Variants in FER observed in about 807,000 individuals in gnomAD.
FER encodes the protein FER tyrosine kinase.
A neutral mutation model predicts 111.0 loss-of-function variants in FER; 63 were observed. That is an observed-to-expected ratio of 0.57 (90% CI 0.46 to 0.70). FER has a LOEUF of 0.70. FER is among the 30% of genes least tolerant of loss of function. FER has a pLI of 0.00. For missense variants in FER, 914 were observed against 954.0 expected (o/e 0.96, Z 0.55); for synonymous variants, 327 against 313.9 (o/e 1.04, Z -0.44).
At chr5:109,025,024 T>C (rs1005508743) in intron 13 of FER, among the ~76,000 whole-genome samples, 5 of 151,914 alleles carry the variant, frequency 3.3e-5, no homozygotes, top group East Asian at 1.9e-4. Flanking sequence ...TTACTGTAGC[T>C]TTGTAGTATA....
intron 3 of FER, among the ~76,000 whole-genome samples, chr5:108,803,129 C>G (rs1466240944): frequency 1.3e-5 from 2 of 151,972 alleles, no homozygotes; most frequent in African/African-American, 4.8e-5. Context: ...GTTTGTTGGC[C>G]ACTTGTATGT....
At chr5:108,873,752 C>T (rs563060117) in intron 8 of FER, among the ~76,000 whole-genome samples, 2 of 152,230 alleles carry the variant, frequency 1.3e-5, no homozygotes, top group East Asian at 3.9e-4. Context: ...ATTTTATACT[C>T]CAGGGGACAT....
intron 8 of FER, among the ~76,000 whole-genome samples, chr5:108,879,725 T>TATATATATA (rs1298716348): frequency 7.1e-5 from 10 of 141,436 alleles, no homozygotes; most frequent in African/African-American, 1.1e-4. Context: ...TATATATATA[T>TATATATATA]TTGAGGCAAA....
At chr5:108,797,293 G>A (rs775982519) in intron 2 of FER, among the ~76,000 whole-genome samples, 1 of 152,086 alleles carries the variant, frequency 6.6e-6, no homozygotes, top group East Asian at 1.9e-4. Context: ...CAAGCAGAAG[G>A]ATGGAGTCAC....
intron 13 of FER, among the ~76,000 whole-genome samples, chr5:108,980,119 G>A (rs1400885273): frequency 1.3e-5 from 2 of 152,038 alleles, no homozygotes; most frequent in Admixed American, 6.6e-5. Context: ...ACAAATCCTT[G>A]AAACAAAACA....
rs143119269 is a variant in FER at position 109,115,653 on chromosome 5, T to TTTTGTTTGTTTG, written c.2048+15155_2048+15166dup. 1.6e-4 allele frequency among the ~76,000 whole-genome samples: 24 copies of TTTTGTTTGTTTG among 151,326 alleles called. No homozygotes were observed. The East Asian group carries it at 2.1e-3, about 13-fold the overall frequency. On this transcript the variant is annotated intron_variant, in intron 17 of 19. Coordinates refer to ENST00000281092, the MANE Select transcript of FER (RefSeq NM_005246.4). ...AGTTTCCAGACAGATTTTGTGCAGT[T>TTTTGTTTGTTTG]TTTGTTTGTTTGTTTGTTTGTTTGT...
intron 17 of FER, among the ~76,000 whole-genome samples, chr5:109,101,639 T>C (rs1025849684): frequency 1.3e-5 from 2 of 152,256 alleles, no homozygotes; most frequent in African/African-American, 4.8e-5. Context: ...AGATATTTCT[T>C]TTGGAAATTA....
At chr5:109,022,582 A>G (rs1302422352) in intron 13 of FER, among the ~76,000 whole-genome samples, 1 of 152,116 alleles carries the variant, frequency 6.6e-6, no homozygotes, top group East Asian at 1.9e-4. Flanking sequence ...ACATATTTAG[A>G]CATGTGACAT....
chr5:108,933,784 C>T (rs1406544051), intron 10 of FER, among the ~76,000 whole-genome samples: 1 of 152,116 alleles, frequency 6.6e-6, no homozygotes, highest in Non-Finnish European at 1.5e-5. Context: ...TTTCCTTGAG[C>T]AGTGGTTTGT....
Position 109,195,988 on chromosome 5 carries a change from T to C in FER, c.*8413T>C, listed in dbSNP as rs1759718632. The C allele has an allele frequency of 6.6e-6, 1 of 152,186 alleles. No individual in the cohort carries two copies. Among genetic ancestry groups the C allele is most frequent in the Admixed American group, 6.6e-5 (1 of 15,260 alleles). The allele number at this position is 152,186 out of a possible 1,614,324, so 9.4% of individuals were successfully genotyped here. A position where few individuals can be genotyped will look rare whatever the true frequency, so the allele number is the denominator to read the frequency against. On this transcript the variant is annotated 3_prime_UTR_variant, in exon 20 of 20. Coordinates refer to ENST00000281092, the MANE Select transcript of FER (RefSeq NM_005246.4). ...GTCTGGCTTCTTCTGGCAAGTGCCC[T>C]AAAAGACTGGAACACTGTATAAAGT...
At chr5:109,175,459 T>C (rs956923228) in intron 17 of FER, among the ~76,000 whole-genome samples, 4 of 152,144 alleles carry the variant, frequency 2.6e-5, no homozygotes, top group Non-Finnish European at 5.9e-5. Context: ...TAAAAAAGGA[T>C]TGAAGACTTA....
rs1403593945 is a variant in FER, at chr5:108,883,446, A to G, written c.974A>G (p.Asn325Ser). The G allele has an allele frequency of 1.2e-6, 2 of 1,609,654 alleles. No individual in the cohort carries two copies. Among genetic ancestry groups the G allele is most frequent in the African/African-American group, 2.7e-5 (2 of 74,846 alleles). ...ATGCAAACACAGCAGATGCTTTTAA[A>G]CAAGGAGGAGGCTGTTTTGGAGTTA... ...ELMQTQQMLL[N>S]KEEAVLELEK... Residue 325 changes from asparagine to serine, a missense_variant, in exon 9 of 20, where the codon AAC (asparagine) becomes AGC (serine). Physicochemically the swap from Asn to Ser is conservative, Grantham distance 46. This residue lies in a region of FER where 774 missense variants were observed against 782.6 expected (regional missense o/e 0.99). Transcript: ENST00000281092.
chr5:108,914,257 G>A (rs73781496), intron 10 of FER, among the ~76,000 whole-genome samples: 7,284 of 152,040 alleles, frequency 0.048, 275 homozygotes, highest in African/African-American at 0.11. Flanking sequence ...GTGTGTGTGT[G>A]TGTGTATGTG....
At chr5:109,025,964 T>C (rs1246991638) in intron 13 of FER, among the ~76,000 whole-genome samples, 1 of 152,174 alleles carries the variant, frequency 6.6e-6, no homozygotes, top group Non-Finnish European at 1.5e-5. Context: ...CTGCATTGCT[T>C]CCTTTGGAGG....
chr5:108,878,624 G>C (rs537782024), intron 8 of FER, among the ~76,000 whole-genome samples: 14 of 152,120 alleles, frequency 9.2e-5, no homozygotes, highest in African/African-American at 3.4e-4. Context: ...TTGGTGCTAG[G>C]TTTTGTGGGA....
chr5:108,972,624 C>T (rs1561699932), intron 13 of FER, among the ~76,000 whole-genome samples: 1 of 152,110 alleles, frequency 6.6e-6, no homozygotes, highest in East Asian at 1.9e-4. Context: ...TATTTTTACT[C>T]ACTTTTTTGT....
intron 6 of FER, among the ~76,000 whole-genome samples, chr5:108,870,682 A>C (rs1409058253): frequency 6.6e-6 from 1 of 152,146 alleles, no homozygotes; most frequent in African/African-American, 2.4e-5. Context: ...TTATTTCAGC[A>C]TATGCAGGAT....
chr5:108,935,882 T>G, intron 10 of FER, among the ~76,000 whole-genome samples: 1 of 152,094 alleles, frequency 6.6e-6, no homozygotes, highest in East Asian at 1.9e-4. Flanking sequence ...CAGAAAGTCC[T>G]CTGTTTATTA....
intron 1 of FER, chr5:108,748,726 C>G (rs1428424385): frequency 1.3e-5 from 2 of 152,310 alleles, no homozygotes; most frequent in African/African-American, 4.8e-5. Flanking sequence ...CAGCCTAGGG[C>G]CCAAGTCCTG....
Sources: allele counts gnomAD v4.1 joint callset (sites outside exome capture counted in the v4.1 genomes callset), GRCh38; gene constraint gnomAD v4.1.1; regional missense constraint gnomAD v4.1.1; transcripts MANE v1.5; gene names NCBI Gene and HGNC (gene_info 2026-07-23, HGNC 2026-07-21).